Variants in NXPH1 observed in about 807,000 individuals in gnomAD.
NXPH1 encodes the protein neurexophilin 1.
In NXPH1, 5 loss-of-function variants were observed where a neutral mutation model predicts 23.7. The observed-to-expected ratio is 0.21, with a 90% CI of 0.11 to 0.44. The LOEUF (loss-of-function observed/expected upper bound fraction) is 0.44. Among genes scored for constraint, NXPH1 ranks in the 20% least tolerant of loss-of-function variants. The pLI, the probability that NXPH1 is intolerant of heterozygous loss-of-function variation, is 0.99. For synonymous variants in NXPH1, 144 were observed against 122.2 expected, an observed-to-expected ratio of 1.18 and a Z score of -1.18; for missense variants, 324 against 321.6, an observed-to-expected ratio of 1.01 and a Z score of -0.06.
intron 2 of NXPH1, among the ~76,000 whole-genome samples, chr7:8,748,518 G>C (rs779671031): frequency 1.3e-5 from 2 of 152,202 alleles, no homozygotes; most frequent in South Asian, 4.1e-4. Flanking sequence ...AGGCTGGTCC[G>C]TGTTTCTCTT....
chr7:8,487,142 A>G (rs1443171832), intron 2 of NXPH1, among the ~76,000 whole-genome samples: 1 of 152,138 alleles, frequency 6.6e-6, no homozygotes, highest in Non-Finnish European at 1.5e-5. Flanking sequence ...TATAAATAGT[A>G]GTTTCCTTTT....
intron 2 of NXPH1, among the ~76,000 whole-genome samples, chr7:8,743,831 C>G (rs182694507): frequency 1.3e-5 from 2 of 151,898 alleles, no homozygotes; most frequent in Non-Finnish European, 2.9e-5. Context: ...CCACAGGCAC[C>G]CACCACCGTG....
chr7:8,741,708 G>A (rs929559443), intron 2 of NXPH1, among the ~76,000 whole-genome samples: 3 of 151,928 alleles, frequency 2.0e-5, no homozygotes, highest in Non-Finnish European at 4.4e-5. Context: ...AGGTACTTTG[G>A]GTATTATCAA....
In NXPH1 at chr7:8,553,747, A is replaced by G. The variant is rs563067764; in HGVS notation, c.54+117980A>G. On this transcript the variant is annotated intron_variant, in intron 2 of 2. Coordinates refer to ENST00000405863, the MANE Select transcript of NXPH1 (RefSeq NM_152745.3). ...AAGTCCCATCAGGCTAAGATGTTCAAACACCCTTGGTTTGAAAAAATCATC... is the reference window on the plus strand; with the variant it reads ...AAGTCCCATCAGGCTAAGATGTTCAGACACCCTTGGTTTGAAAAAATCATC... 2.6e-5 allele frequency among the ~76,000 whole-genome samples: 4 copies of G among 151,756 alleles called. No individual in the cohort carries two copies. The South Asian group carries it at 8.3e-4, about 31-fold the overall frequency.
intron 2 of NXPH1, among the ~76,000 whole-genome samples, chr7:8,521,841 A>G (rs1182594070): frequency 6.6e-6 from 1 of 152,166 alleles, no homozygotes; most frequent in African/African-American, 2.4e-5. Flanking sequence ...ACATGGGAAG[A>G]TAACCAGTGT....
In NXPH1 at chr7:8,626,384, CT is replaced by C. The variant is rs542544198; in HGVS notation, c.55-124609del. On this transcript the variant is annotated intron_variant, in intron 2 of 2. Coordinates refer to ENST00000405863, the MANE Select transcript of NXPH1 (RefSeq NM_152745.3). ...GATATACTCATTGTCATGCAGTTTA[CT>C]TTTTTTTTTTTTTTGGCAACTTCAA... is the stretch of plus-strand genomic sequence containing the variant. Among the ~76,000 whole-genome samples the C allele has an allele frequency of 4.8e-3, 653 of 136,228 alleles. 3 individuals carry two copies. Among genetic ancestry groups the C allele is most frequent in the African/African-American group, 0.011 (416 of 37,790 alleles). The allele number at this position is 136,228 out of a possible 152,430, so 89.4% of individuals were successfully genotyped here.
At chr7:8,590,683 T>C (rs1819075206) in intron 2 of NXPH1, among the ~76,000 whole-genome samples, 1 of 152,112 alleles carries the variant, frequency 6.6e-6, no homozygotes, top group South Asian at 2.1e-4. Context: ...TATTTTAACT[T>C]AGATATTTTT....
intron 2 of NXPH1, among the ~76,000 whole-genome samples, chr7:8,697,039 T>C (rs1186576813): frequency 6.7e-6 from 1 of 150,024 alleles, no homozygotes; most frequent in Non-Finnish European, 1.5e-5. Context: ...GCGCCTGTGA[T>C]CCCAGCTACT....
chr7:8,650,224 T>C (rs1324968366), intron 2 of NXPH1, among the ~76,000 whole-genome samples: 1 of 152,200 alleles, frequency 6.6e-6, no homozygotes, highest in Admixed American at 6.5e-5. Context: ...AATTAGAAAC[T>C]TCCAAGTCTG....
chr7:8,649,774 T>C (rs2115150817), intron 2 of NXPH1, among the ~76,000 whole-genome samples: 1 of 152,332 alleles, frequency 6.6e-6, no homozygotes, highest in South Asian at 2.1e-4. Context: ...TATTCTCTTT[T>C]GAGTTTTTTT....
intron 2 of NXPH1, among the ~76,000 whole-genome samples, chr7:8,642,538 A>G (rs1390790290): frequency 6.6e-6 from 1 of 152,172 alleles, no homozygotes; most frequent in Non-Finnish European, 1.5e-5. Flanking sequence ...AAAATTGGTT[A>G]CCAAAAATAT....
intron 2 of NXPH1, among the ~76,000 whole-genome samples, chr7:8,482,107 G>C (rs1318235456): frequency 1.3e-5 from 2 of 152,200 alleles, no homozygotes; most frequent in African/African-American, 4.8e-5. Flanking sequence ...TGGCCCAACA[G>C]AGTGAAACTG....
rs146096631 is a variant in NXPH1, at chr7:8,683,174, A to C, written c.55-67834A>C. 9.9e-5 allele frequency among the ~76,000 whole-genome samples: 15 copies of C among 152,256 alleles called. No individual in the cohort carries two copies. In the East Asian group the frequency reaches 1.9e-3, roughly 20 times the overall value. ...GGGAGCAGGTGTGTCACATGGTGAGAGATTAAACAAGAGAGATGTCAGGCT... is the reference window on the plus strand; with the variant it reads ...GGGAGCAGGTGTGTCACATGGTGAGCGATTAAACAAGAGAGATGTCAGGCT... On this transcript the variant is annotated intron_variant, in intron 2 of 2. Coordinates refer to ENST00000405863, the MANE Select transcript of NXPH1 (RefSeq NM_152745.3).
At chr7:8,723,432 T>C (rs142729502) in intron 2 of NXPH1, among the ~76,000 whole-genome samples, 1 of 152,336 alleles carries the variant, frequency 6.6e-6, no homozygotes, top group African/African-American at 2.4e-5. Flanking sequence ...TTTGCTAATG[T>C]TTGTCAAGCC....
intron 2 of NXPH1, among the ~76,000 whole-genome samples, chr7:8,554,392 T>C (rs908733542): frequency 6.6e-6 from 1 of 151,616 alleles, no homozygotes; most frequent in African/African-American, 2.4e-5. Context: ...TCCATCAGAA[T>C]GAGCCGGTCG....
intron 2 of NXPH1, among the ~76,000 whole-genome samples, chr7:8,670,456 A>G (rs1820851159): frequency 6.6e-6 from 1 of 152,246 alleles, no homozygotes; most frequent in African/African-American, 2.4e-5. Flanking sequence ...TTTGTAACTT[A>G]CAGATTTAAT....
intron 2 of NXPH1, among the ~76,000 whole-genome samples, chr7:8,544,983 T>C (rs1400153035): frequency 1.3e-5 from 2 of 151,566 alleles, no homozygotes; most frequent in African/African-American, 4.8e-5. Flanking sequence ...AATAGTTTCT[T>C]AATGGATATC....
intron 2 of NXPH1, among the ~76,000 whole-genome samples, chr7:8,558,737 T>C (rs1028828859): frequency 4.0e-5 from 6 of 151,736 alleles, no homozygotes; most frequent in African/African-American, 1.4e-4. Flanking sequence ...AAATTAAGTT[T>C]CATCAGCCTA....
intron 2 of NXPH1, among the ~76,000 whole-genome samples, chr7:8,649,893 T>C (rs1820463117): frequency 6.6e-6 from 1 of 152,192 alleles, no homozygotes; most frequent in South Asian, 2.1e-4. Context: ...AATGCTATTT[T>C]ACTCTTCATT....
Sources: allele counts gnomAD v4.1 joint callset (sites outside exome capture counted in the v4.1 genomes callset), GRCh38; gene constraint gnomAD v4.1.1; transcripts MANE v1.5; gene names NCBI Gene and HGNC (gene_info 2026-07-23, HGNC 2026-07-21).